ROBO2: variants seen among roughly 807,000 people sequenced by gnomAD.
ROBO2 encodes roundabout guidance receptor 2.
ROBO2 carries 53 observed loss-of-function variants against 160.8 expected under a neutral mutation model. That is an observed-to-expected ratio of 0.33 (90% CI 0.26 to 0.41). ROBO2 has a LOEUF of 0.41. Among genes scored for constraint, ROBO2 ranks in the 10% least tolerant of loss-of-function variants. ROBO2 has a pLI of 1.00. For synonymous variants in ROBO2, 664 were observed against 611.7 expected (o/e 1.09, Z -1.26); for missense variants, 1,577 against 1,722.4 (o/e 0.92, Z 1.49).
chr3:76,887,193 C>CCTTTT (rs1178064382), intron 2 of ROBO2, among the ~76,000 whole-genome samples: 16 of 120,446 alleles, frequency 1.3e-4, no homozygotes, highest in South Asian at 5.5e-4. Context: ...CTTCAGGAAG[C>CCTTTT]ATTTTTTTTT....
chr3:77,229,856 A>G (rs1338493682), intron 2 of ROBO2, among the ~76,000 whole-genome samples: 1 of 152,080 alleles, frequency 6.6e-6, no homozygotes, highest in Non-Finnish European at 1.5e-5. Context: ...TTTACTGACA[A>G]TTTATTATTG....
In ROBO2 at chr3:76,032,844, C is replaced by G. The variant is rs376096157; in HGVS notation, c.109+95242C>G. 6.1e-4 allele frequency among the ~76,000 whole-genome samples: 93 copies of G among 152,166 alleles called. 1 individual carries two copies. The East Asian group carries it at 0.013, about 22-fold the overall frequency. The stretch of plus-strand genomic sequence containing the variant: ...GTTTAAAAATTACGTATTGAGTGGT[C>G]CAAACAGACCATAAAGTTTTCAAAA... On this transcript the variant is annotated intron_variant, in intron 2 of 26. Transcript: ENST00000487694.
intron 2 of ROBO2, among the ~76,000 whole-genome samples, chr3:76,154,522 A>T (rs942688963): frequency 2.6e-5 from 4 of 152,152 alleles, no homozygotes; most frequent in Non-Finnish European, 5.9e-5. Context: ...GAAGATTCTC[A>T]TTGCCAATGA....
intron 2 of ROBO2, among the ~76,000 whole-genome samples, chr3:75,996,428 G>C (rs618681): frequency 0.77 from 117,504 of 152,052 alleles, 46,580 homozygotes; most frequent in East Asian, 0.97. Flanking sequence ...TGTAAGATTC[G>C]TGTGGCCTCC....
At chr3:76,652,162 C>T (rs2091283722) in intron 2 of ROBO2, among the ~76,000 whole-genome samples, 1 of 152,166 alleles carries the variant, frequency 6.6e-6, no homozygotes, top group Admixed American at 6.6e-5. Context: ...CTCAGAATTA[C>T]TAGTCAGCCA....
chr3:77,047,372 T>G (rs999232027), intron 1 of ROBO2, among the ~76,000 whole-genome samples: 3 of 152,088 alleles, frequency 2.0e-5, no homozygotes, highest in Non-Finnish European at 2.9e-5. Context: ...TAATGAGAAA[T>G]AAAATAGTTT....
intron 2 of ROBO2, among the ~76,000 whole-genome samples, chr3:75,961,883 A>T (rs1200347315): frequency 6.6e-6 from 1 of 151,396 alleles, no homozygotes; most frequent in Non-Finnish European, 1.5e-5. Context: ...AAATACTAGA[A>T]GTAATTTATT....
intron 2 of ROBO2, among the ~76,000 whole-genome samples, chr3:76,174,482 T>A (rs886123469): frequency 6.6e-6 from 1 of 152,144 alleles, no homozygotes; most frequent in Non-Finnish European, 1.5e-5. Context: ...TCTTTTAGGG[T>A]TTTTATGGTT....
At chr3:76,698,266 G>A (rs2092973622) in intron 2 of ROBO2, among the ~76,000 whole-genome samples, 1 of 152,202 alleles carries the variant, frequency 6.6e-6, no homozygotes, top group Non-Finnish European at 1.5e-5. Flanking sequence ...ATGAAAATAA[G>A]CATTGACCAT....
chr3:76,803,367 G>GAGGAGGAGGAGGATACAGAAA (rs1385071976), intron 2 of ROBO2, among the ~76,000 whole-genome samples: 89 of 149,822 alleles, frequency 5.9e-4, no homozygotes, highest in African/African-American at 1.8e-3. Flanking sequence ...GGAGGAGGAA[G>GAGGAGGAGGAGGATACAGAAA]AGGAGGAGGA....
chr3:76,801,834 G>C (rs1158212306), intron 2 of ROBO2, among the ~76,000 whole-genome samples: 1 of 152,152 alleles, frequency 6.6e-6, no homozygotes, highest in Non-Finnish European at 1.5e-5. Context: ...TTGATGTAAA[G>C]TGAGCAACAT....
At chr3:76,049,036 G>C (rs377749197) in intron 2 of ROBO2, among the ~76,000 whole-genome samples, 1 of 151,884 alleles carries the variant, frequency 6.6e-6, no homozygotes, top group Non-Finnish European at 1.5e-5. Context: ...AAATAAAGAA[G>C]AATTAAAAAC....
intron 2 of ROBO2, among the ~76,000 whole-genome samples, chr3:76,808,163 T>A (rs1082422): frequency 0.025 from 3,750 of 150,500 alleles, 61 homozygotes; most frequent in Non-Finnish European, 0.035. Flanking sequence ...ATATCCAACT[T>A]TTTTCTTCTA....
At chr3:77,576,274 A>G (rs1445043820) in intron 14 of ROBO2, among the ~76,000 whole-genome samples, 3 of 152,190 alleles carry the variant, frequency 2.0e-5, no homozygotes, top group South Asian at 2.1e-4. Context: ...CTCAATGCAA[A>G]TATGGCTATA....
At chr3:76,655,827 A>G (rs1012962769) in intron 2 of ROBO2, among the ~76,000 whole-genome samples, 1 of 151,644 alleles carries the variant, frequency 6.6e-6, no homozygotes, top group Non-Finnish European at 1.5e-5. Context: ...TACATCATAA[A>G]CTAGAGATTA....
At chr3:76,064,635 A>T (rs1334764024) in intron 2 of ROBO2, among the ~76,000 whole-genome samples, 1 of 152,202 alleles carries the variant, frequency 6.6e-6, no homozygotes, top group Non-Finnish European at 1.5e-5. Context: ...TAGCAAATAT[A>T]GGTACATCTG....
At chr3:76,138,891 A>G (rs777129423) in intron 2 of ROBO2, among the ~76,000 whole-genome samples, 1 of 152,142 alleles carries the variant, frequency 6.6e-6, no homozygotes, top group Non-Finnish European at 1.5e-5. Flanking sequence ...TTCAGTAAAG[A>G]GTTACCTGAA....
At chr3:76,439,239 A>G (rs574704804) in intron 2 of ROBO2, among the ~76,000 whole-genome samples, 2 of 152,056 alleles carry the variant, frequency 1.3e-5, no homozygotes, top group Non-Finnish European at 2.9e-5. Context: ...CACTACTGTC[A>G]TGGAGTTTAG....
At chr3:77,289,028 T>C (rs1223309447) in intron 2 of ROBO2, among the ~76,000 whole-genome samples, 1 of 152,198 alleles carries the variant, frequency 6.6e-6, no homozygotes, top group Non-Finnish European at 1.5e-5. Flanking sequence ...GTTTTGTTTC[T>C]GTGTGTTTGT....
Sources: gnomAD v4.1 joint callset for allele counts (sites outside exome capture counted in the v4.1 genomes callset) on GRCh38, gnomAD v4.1.1 for gene constraint, MANE v1.5 for transcripts, NCBI Gene and HGNC (gene_info 2026-07-23, HGNC 2026-07-21) for gene names.